Variants in MYCBP2 observed in about 807,000 individuals in gnomAD.
The protein encoded by MYCBP2 is E3 ubiquitin-protein ligase MYCBP2.
MYCBP2 carries 120 observed loss-of-function variants against 525.3 expected under a neutral mutation model. The ratio of observed to expected loss-of-function variants is 0.23; its 90% CI spans 0.20 to 0.27. The LOEUF (loss-of-function observed/expected upper bound fraction) is 0.27, where lower values mean the gene tolerates loss of function less well. Among genes scored for constraint, MYCBP2 ranks in the 10% least tolerant of loss-of-function variants. The pLI is 1.00. For missense variants in MYCBP2, 4,149 were observed against 5,657.1 expected (o/e 0.73, Z 8.55); for synonymous variants, 1,894 against 1,955.8 (o/e 0.97, Z 0.83).
chr13:77,066,034 C>T lies in MYCBP2; in HGVS notation c.12510G>A (p.Gln4170=). Residue 4170 remains glutamine (Q), a synonymous_variant, in exon 72 of 83, where the codon CAG becomes CAA. Coordinates refer to ENST00000544440, the MANE Select transcript of MYCBP2 (RefSeq NM_015057.5). ...TAAGTTTAATGATGATCTCTGAGAT[C>T]TGGGTAGGGGTTGAGCCCTTCATCC... ...HWWMKGSTPT[Q]ISEIIIKLIK... is the part of the protein sequence containing the mutation. 2 of 1,613,076 alleles carry T rather than the reference C, an allele frequency of 1.2e-6. No homozygotes were observed. Among genetic ancestry groups the T allele is most frequent in the Non-Finnish European group, 1.7e-6 (2 of 1,179,382 alleles).
At chr13:77,201,550 A>T (rs1458262512) in intron 26 of MYCBP2, among the ~76,000 whole-genome samples, 1 of 151,894 alleles carries the variant, frequency 6.6e-6, no homozygotes, top group African/African-American at 2.4e-5. Flanking sequence ...GACCTAATAG[A>T]CATCTACAGA....
chr13:77,224,144 G>C (rs1437548336), intron 20 of MYCBP2, among the ~76,000 whole-genome samples: 1 of 152,102 alleles, frequency 6.6e-6, no homozygotes, highest in Non-Finnish European at 1.5e-5. Flanking sequence ...CTATTGCCAT[G>C]CACAGCCTTT....
chr13:77,139,164 T>C lies in MYCBP2; in HGVS notation c.7659+32A>G, dbSNP rs369361199. Reference sequence around the variant, plus strand: ...CTCTGTAAAACAAACAGCGTGTATCTATAATGCTTTTTAAAACCACCTTTT... The same window carrying C: ...CTCTGTAAAACAAACAGCGTGTATCCATAATGCTTTTTAAAACCACCTTTT... On this transcript the variant is annotated intron_variant, in intron 52 of 82. Transcript: ENST00000544440. 4.8e-5 allele frequency: 77 copies of C among 1,606,912 alleles called. No homozygotes were observed. In the African/African-American group the frequency reaches 9.1e-4, roughly 19 times the overall value.
intron 1 of MYCBP2, among the ~76,000 whole-genome samples, chr13:77,308,374 C>G (rs1378926322): frequency 6.6e-6 from 1 of 152,146 alleles, no homozygotes; most frequent in Non-Finnish European, 1.5e-5. Flanking sequence ...CCTGCTATGT[C>G]AAGATAGGTT....
At chr13:77,112,560 G>C (rs1056102383) in intron 55 of MYCBP2, among the ~76,000 whole-genome samples, 2 of 151,610 alleles carry the variant, frequency 1.3e-5, no homozygotes, top group Non-Finnish European at 2.9e-5. Context: ...CAAGTAGCTA[G>C]GATTACAGGT....
chr13:77,172,608 A>T (rs1405515912), intron 37 of MYCBP2, among the ~76,000 whole-genome samples: 1 of 152,182 alleles, frequency 6.6e-6, no homozygotes, highest in East Asian at 1.9e-4. Flanking sequence ...TAAATATGGA[A>T]GTAGAAGAAA....
Position 77,081,675 on chromosome 13 carries a change from T to C in MYCBP2, c.11194-24A>G. On this transcript the variant is annotated intron_variant, in intron 64 of 82. Transcript: ENST00000544440. The surrounding 1 kb of genome is among the most constrained non-coding windows in gnomAD (Gnocchi z 4.6). ...TCCTATCAGAAACAAATATAAGTAC[T>C]TATGATACTTAAAAGCAAATCTTTC... 6.4e-7 allele frequency: 1 copy of C among 1,567,400 alleles called. No homozygotes were observed. The highest frequency in any genetic ancestry group is 8.7e-7 in the Non-Finnish European group (1 of 1,154,986).
intron 52 of MYCBP2, among the ~76,000 whole-genome samples, chr13:77,128,604 T>C (rs2052130134): frequency 6.6e-6 from 1 of 151,818 alleles, no homozygotes; most frequent in Non-Finnish European, 1.5e-5. Context: ...TAAAACAAAG[T>C]TTATCCAATT....
rs560976742 is a variant in MYCBP2 at position 77,070,405 on chromosome 13, AT to A, written c.11904+225del. ...ATAAACTTTCTTAAAGTATTAGGAG[AT>A]TTTTTTTTCTTGCAATTTTTTTTTT... On this transcript the variant is annotated intron_variant, in intron 69 of 82. Coordinates refer to ENST00000544440, the MANE Select transcript of MYCBP2 (RefSeq NM_015057.5). Among the ~76,000 whole-genome samples, 173 of 151,594 alleles carry A rather than the reference AT, an allele frequency of 1.1e-3. No individual in the cohort carries two copies. In the Middle Eastern group the frequency reaches 0.014, roughly 12 times the overall value.
Position 77,067,683 on chromosome 13 carries a change from G to C in MYCBP2, c.12353C>G (p.Thr4118Ser), listed in dbSNP as rs779411706. The C allele has an allele frequency of 1.2e-5, 19 of 1,614,036 alleles. No homozygotes were observed. The highest frequency in any genetic ancestry group is 1.5e-5 in the Non-Finnish European group (18 of 1,180,030). Residue 4118 changes from threonine (T) to serine (S), a missense_variant, in exon 71 of 83, where the codon ACT (threonine) becomes AGT (serine). This residue lies in a region of MYCBP2 where 148 missense variants were observed against 179.4 expected (regional missense o/e 0.82). Coordinates refer to ENST00000544440, the MANE Select transcript of MYCBP2 (RefSeq NM_015057.5). The stretch of plus-strand genomic sequence containing the variant: ...GGTTCCTTTGGCTTTTAGCTGTACA[G>C]TGAGTGCTTTGGCAATGCATCCTAG... ...MFLGCIAKAL[T>S]VQLKAKGTTI...
Position 77,294,125 on chromosome 13 carries a change from T to TATATATATATAC in MYCBP2, c.378+2473_378+2474insGTATATATATAT, listed in dbSNP as rs1179274861. On this transcript the variant is annotated intron_variant, in intron 2 of 82. Transcript: ENST00000544440. ...ATGGCTATATATATATATATATATA[T>TATATATATATAC]ATATACATATATATATACATATATA... is the stretch of plus-strand genomic sequence containing the variant. Among the ~76,000 whole-genome samples the TATATATATATAC allele has an allele frequency of 7.4e-5, 5 of 67,484 alleles. No homozygotes were observed. The South Asian group carries it at 2.2e-3, about 29-fold the overall frequency. The allele number at this position is 67,484 out of a possible 152,430, so 44.3% of individuals were successfully genotyped here.
chr13:77,300,164 A>C (rs1037268230), intron 1 of MYCBP2, among the ~76,000 whole-genome samples: 1 of 152,242 alleles, frequency 6.6e-6, no homozygotes, highest in Non-Finnish European at 1.5e-5. Flanking sequence ...TAATAAATCC[A>C]AATTTACAGA....
chr13:77,090,020 A>ATC, intron 60 of MYCBP2, 86 bp downstream of exon 60: 1 of 1,204,406 alleles, frequency 8.3e-7, no homozygotes, highest in Non-Finnish European at 1.1e-6. Context: ...TCAAAAATTA[A>ATC]ATTTTAAAAA....
chr13:77,151,000 G>C, intron 46 of MYCBP2, 51 bp from the exon 47 acceptor site: 1 of 1,463,158 alleles, frequency 6.8e-7, no homozygotes, highest in Non-Finnish European at 9.5e-7. Flanking sequence ...AATTGTCACT[G>C]ACATCAAAAT....
At position 77,327,057 on chromosome 13, in the gene MYCBP2, A is replaced by ACCGCTACCC; in HGVS notation, c.-283_-282insGGGTAGCGG. The ACCGCTACCC allele has an allele frequency of 2.3e-6, 1 of 434,620 alleles. No individual in the cohort carries two copies. The highest frequency in any genetic ancestry group is 2.1e-5 in the African/African-American group (1 of 48,696). The allele number at this position is 434,620 out of a possible 1,614,324, so 26.9% of individuals were successfully genotyped here. On this transcript the variant is annotated 5_prime_UTR_variant, in exon 1 of 83. Transcript: ENST00000544440. ...CACTGCCGCCGCCACCACCGCTACCACCGCCACCACCGCCGGGGCTACCCG... is the reference window on the plus strand; with the variant it reads ...CACTGCCGCCGCCACCACCGCTACCACCGCTACCCCCGCCACCACCGCCGGGGCTACCCG...
intron 26 of MYCBP2, among the ~76,000 whole-genome samples, chr13:77,203,166 C>G (rs1159286859): frequency 6.6e-6 from 1 of 152,170 alleles, no homozygotes; most frequent in Non-Finnish European, 1.5e-5. Flanking sequence ...AGCCCAAAAC[C>G]TCCTTAAGCT....
Position 77,251,544 on chromosome 13 carries a change from T to C in MYCBP2, c.2177-189A>G, listed in dbSNP as rs181724275. 2.0e-3 allele frequency among the ~76,000 whole-genome samples: 303 copies of C among 152,348 alleles called. 4 individuals carry two copies. Among genetic ancestry groups the C allele is most frequent in the African/African-American group, 5.7e-3 (239 of 41,588 alleles). Reference sequence around the variant, plus strand: ...ACTAATAAACACTCTCCCCATTTCATTTCTGCAAAAGAAGGCAAGGAAGGC... The same window carrying C: ...ACTAATAAACACTCTCCCCATTTCACTTCTGCAAAAGAAGGCAAGGAAGGC... On this transcript the variant is annotated intron_variant, in intron 14 of 82. Transcript: ENST00000544440.
At chr13:77,171,159 G>A (rs1276176596) in intron 38 of MYCBP2, among the ~76,000 whole-genome samples, 3 of 152,168 alleles carry the variant, frequency 2.0e-5, no homozygotes, top group African/African-American at 7.2e-5. Context: ...GGTGGATAGC[G>A]ATACATTACT....
At chr13:77,082,743 C>T (rs2043515096) in intron 63 of MYCBP2, among the ~76,000 whole-genome samples, 1 of 151,970 alleles carries the variant, frequency 6.6e-6, no homozygotes, top group Admixed American at 6.6e-5. Flanking sequence ...CTTTTTGGGA[C>T]ATTTAAGTGA....
Sources: gnomAD v4.1 joint callset for allele counts (sites outside exome capture counted in the v4.1 genomes callset) on GRCh38, gnomAD v4.1.1 for gene constraint, gnomAD v4.1.1 regional missense constraint, Gnocchi (gnomAD v3.1) non-coding constraint, MANE v1.5 for transcripts, NCBI Gene and HGNC (gene_info 2026-07-23, HGNC 2026-07-21) for gene names.